The following SESN3 variants were observed in gnomAD, a reference collection of about 807,000 sequenced individuals.
SESN3 encodes sestrin-3.
A neutral mutation model predicts 55.3 loss-of-function variants in SESN3; 21 were observed. The ratio of observed to expected loss-of-function variants is 0.38; its 90% confidence interval spans 0.27 to 0.55. The LOEUF is 0.55. SESN3 is among the 20% of genes least tolerant of loss of function. The pLI is 0.76. For synonymous variants in SESN3, 181 were observed against 203.1 expected (o/e 0.89, Z 0.93); for missense variants, 408 against 604.3 (o/e 0.68, Z 3.41).
chr11:95,224,344 T>A (rs1004033277), intron 1 of SESN3: 1 of 356,390 alleles, frequency 2.8e-6, no homozygotes, highest in African/African-American at 2.2e-5. Context: ...TATATGATTC[T>A]GATAAACATT....
At chr11:95,175,166 C>A (rs959500276) in intron 9 of SESN3, among the ~76,000 whole-genome samples, 1 of 152,096 alleles carries the variant, frequency 6.6e-6, no homozygotes. Flanking sequence ...GAGTTTGAGA[C>A]CAGTCTGACT....
chr11:95,212,552 C>G (rs1860677419), intron 1 of SESN3, among the ~76,000 whole-genome samples: 2 of 152,016 alleles, frequency 1.3e-5, no homozygotes, highest in Admixed American at 6.6e-5. Context: ...GAAATTTATA[C>G]AGTAAGTTTT....
Position 95,166,256 on chromosome 11 carries a change from G to A in SESN3, c.*6999C>T, listed in dbSNP as rs926963834. ...ATCTGCCTTACATTAGTCCAGTCACGTGCTTCGTAAAAAAAAAAAAAAAAT... is the reference window on the plus strand; with the variant it reads ...ATCTGCCTTACATTAGTCCAGTCACATGCTTCGTAAAAAAAAAAAAAAAAT... On this transcript the variant is annotated 3_prime_UTR_variant, in exon 10 of 10. Transcript: ENST00000536441. 7.1e-6 allele frequency: 1 copy of A among 141,502 alleles called. No individual in the cohort carries two copies. The highest frequency in any genetic ancestry group is 2.0e-4 in the East Asian group (1 of 4,926). 8.8% of individuals were successfully genotyped at this position (141,502 alleles called of 1,614,324 possible).
intron 1 of SESN3, among the ~76,000 whole-genome samples, chr11:95,220,748 T>C (rs1343829142): frequency 6.6e-6 from 1 of 152,230 alleles, no homozygotes; most frequent in Non-Finnish European, 1.5e-5. Context: ...GCAGTGTTTA[T>C]ACCTGCATAA....
At chr11:95,215,865 G>A (rs564402469) in intron 1 of SESN3, among the ~76,000 whole-genome samples, 10 of 152,202 alleles carry the variant, frequency 6.6e-5, no homozygotes, top group Non-Finnish European at 1.2e-4. Context: ...TTGGGAGGCC[G>A]AGGCGGGCGG....
chr11:95,181,795 CA>C (rs532177207), intron 6 of SESN3, among the ~76,000 whole-genome samples: 1 of 151,150 alleles, frequency 6.6e-6, no homozygotes, highest in African/African-American at 2.4e-5. Context: ...TTTTTAATAC[CA>C]AAAAAAACCC....
In SESN3 at chr11:95,172,950, G is replaced by A. The variant is rs748568960; in HGVS notation, c.*305C>T. ...ATACACATACACACAACCCAAAGGC[G>A]CTGAAGTTAAGCATTAATACGCCAG... On this transcript the variant is annotated 3_prime_UTR_variant, in exon 10 of 10. Coordinates refer to ENST00000536441, the MANE Select transcript of SESN3 (RefSeq NM_144665.4). The A allele has an allele frequency of 6.0e-5, 16 of 266,308 alleles. No individual in the cohort carries two copies. The highest frequency in any genetic ancestry group is 8.8e-5 in the African/African-American group (4 of 45,576). The allele number at this position is 266,308 out of a possible 1,614,324, so 16.5% of individuals were successfully genotyped here.
At chr11:95,219,640 A>C (rs1860822667) in intron 1 of SESN3, among the ~76,000 whole-genome samples, 1 of 152,174 alleles carries the variant, frequency 6.6e-6, no homozygotes, top group Non-Finnish European at 1.5e-5. Context: ...ACCCAACTTT[A>C]TCTCTTTCTT....
At chr11:95,217,668 A>AG in intron 1 of SESN3, among the ~76,000 whole-genome samples, 1 of 146,874 alleles carries the variant, frequency 6.8e-6, no homozygotes, top group South Asian at 2.2e-4. Context: ...AAAAAAAAAA[A>AG]GCTTAATTGT....
At chr11:95,205,701 A>AAG (rs1373182746) in intron 1 of SESN3, among the ~76,000 whole-genome samples, 3 of 152,216 alleles carry the variant, frequency 2.0e-5, no homozygotes, top group African/African-American at 7.2e-5. Context: ...AAGCACTGTC[A>AAG]AGAATCAAGT....
chr11:95,184,538 T>TTGAAGTCTTTTCATC lies in SESN3; in HGVS notation c.804_818dup (p.Met269_Gln273dup), dbSNP rs1171005955. 2.5e-6 allele frequency: 4 copies of TTGAAGTCTTTTCATC among 1,613,580 alleles called. No individual in the cohort carries two copies. The highest frequency in any genetic ancestry group is 3.4e-6 in the Non-Finnish European group (4 of 1,179,708). On this transcript the variant is annotated inframe_insertion, in exon 6 of 10. Transcript: ENST00000536441. ...ACGCCTCTTCATCTTCCCTTTCTTC[T>TTGAAGTCTTTTCATC]TGAAGTCTTTTCATCCTTTCCATTA...
At chr11:95,211,769 CA>C (rs879623786) in intron 1 of SESN3, among the ~76,000 whole-genome samples, 62 of 143,118 alleles carry the variant, frequency 4.3e-4, no homozygotes, top group Admixed American at 1.9e-3. Flanking sequence ...AACTCCGTCT[CA>C]AAAAAAAAAA....
In SESN3 at chr11:95,178,724, T is replaced by C. The variant is rs1461063640; in HGVS notation, c.1042A>G (p.Thr348Ala). The C allele has an allele frequency of 1.2e-6, 2 of 1,602,904 alleles. No individual in the cohort carries two copies. The highest frequency in any genetic ancestry group is 2.2e-5 in the East Asian group (1 of 44,802). ...ACATATTATACCTGAGCTCGGAATG[T>C]TGGCAAATGCTCTTCTCCTCGTCTG... The part of the protein sequence containing the change: ...FARRGEEHLP[T>A]FRAQDYTWEN... Residue 348 changes from threonine to alanine, a missense_variant, in exon 7 of 10, where the codon ACA becomes GCA. Around this residue, in one of 4 missense-constraint regions of SESN3, gnomAD observed 121 missense variants for 204.9 expected, o/e 0.59. Coordinates refer to ENST00000536441, the MANE Select transcript of SESN3 (RefSeq NM_144665.4).
chr11:95,184,616 T>A (rs1488322836), intron 5 of SESN3, 22 bp from the exon 6 acceptor site: 1 of 1,605,094 alleles, frequency 6.2e-7, no homozygotes, highest in Non-Finnish European at 8.5e-7. Context: ...TAAGATAATG[T>A]TGGGTGCTAT....
intron 8 of SESN3, among the ~76,000 whole-genome samples, chr11:95,176,486 G>A (rs1413860828): frequency 6.6e-6 from 1 of 152,142 alleles, no homozygotes; most frequent in Non-Finnish European, 1.5e-5. Flanking sequence ...CTAGAACTGA[G>A]ATCTTTAGAA....
At chr11:95,231,486 C>T, upstream of SESN3, 1 of 212,948 alleles carries the variant, frequency 4.7e-6, no homozygotes, top group Non-Finnish European at 9.3e-6. Flanking sequence ...AATAAGAGGA[C>T]GAGGGTGTGT....
intron 1 of SESN3, among the ~76,000 whole-genome samples, chr11:95,209,610 T>A (rs1199388822): frequency 6.6e-6 from 1 of 151,420 alleles, no homozygotes; most frequent in Non-Finnish European, 1.5e-5. Flanking sequence ...GTATGTTTAC[T>A]GCAGCACTAT....
At chr11:95,210,290 A>G (rs913740956) in intron 1 of SESN3, among the ~76,000 whole-genome samples, 91 of 152,302 alleles carry the variant, frequency 6.0e-4, no homozygotes, top group African/African-American at 2.2e-3. Context: ...GCAAACCACC[A>G]TGGCACATGT....
intron 6 of SESN3, chr11:95,182,102 C>T (rs1738911150): frequency 2.0e-5 from 6 of 306,610 alleles, no homozygotes; most frequent in Non-Finnish European, 3.8e-5. Context: ...CTTTTGAAGG[C>T]TGTAGTCCCA....
Sources: gnomAD v4.1 joint callset for allele counts (sites outside exome capture counted in the v4.1 genomes callset) on GRCh38, gnomAD v4.1.1 for gene constraint, gnomAD v4.1.1 regional missense constraint, MANE v1.5 for transcripts, NCBI Gene and HGNC (gene_info 2026-07-23, HGNC 2026-07-21) for gene names.